The following VPS41 variants were observed in gnomAD, a reference collection of about 807,000 sequenced individuals.
VPS41 encodes VPS41 subunit of HOPS complex.
In VPS41, 85 loss-of-function variants were observed where a neutral mutation model predicts 130.9. The ratio of observed to expected loss-of-function variants is 0.65; its 90% CI spans 0.55 to 0.78. The LOEUF is 0.78. Among genes scored for constraint, VPS41 ranks in the 30% least tolerant of loss-of-function variants. The pLI is 0.00. For missense variants in VPS41, 874 were observed against 1,018.7 expected (o/e 0.86, Z 1.93); for synonymous variants, 335 against 332.9 (o/e 1.01, Z -0.07).
chr7:38,859,721 T>A (rs1786062176), intron 4 of VPS41, among the ~76,000 whole-genome samples: 1 of 152,194 alleles, frequency 6.6e-6, no homozygotes, highest in African/African-American at 2.4e-5. Context: ...AACGCCACAT[T>A]TCTCAGAATG....
At chr7:38,765,440 C>A in intron 16 of VPS41, 140 bp downstream of exon 16, 1 of 561,344 alleles carries the variant, frequency 1.8e-6, no homozygotes, top group East Asian at 3.4e-5. Context: ...TTGAAACTGT[C>A]TCTAAAAGTT....
chr7:38,739,140 A>T (rs887983633), intron 25 of VPS41, among the ~76,000 whole-genome samples: 5 of 152,248 alleles, frequency 3.3e-5, no homozygotes, highest in Non-Finnish European at 5.9e-5. Context: ...TACCAGCAAG[A>T]AAAGGTGCTG....
intron 2 of VPS41, among the ~76,000 whole-genome samples, chr7:38,878,416 A>C (rs1054036700): frequency 1.3e-5 from 2 of 152,174 alleles, no homozygotes; most frequent in Admixed American, 1.3e-4. Context: ...AAGCTGCCCC[A>C]TAAGAGGCAA....
intron 7 of VPS41, among the ~76,000 whole-genome samples, chr7:38,797,730 A>G (rs1322525237): frequency 2.6e-5 from 4 of 152,218 alleles, no homozygotes; most frequent in Non-Finnish European, 4.4e-5. Context: ...CTACCTTAGT[A>G]TATTTTATGT....
At chr7:38,794,890 G>C (rs888190815) in intron 9 of VPS41, among the ~76,000 whole-genome samples, 1 of 152,214 alleles carries the variant, frequency 6.6e-6, no homozygotes, top group African/African-American at 2.4e-5. Context: ...ATGTGAATGA[G>C]CTTTGGGCCC....
chr7:38,890,649 C>T (rs946083468), intron 2 of VPS41, among the ~76,000 whole-genome samples: 4 of 151,826 alleles, frequency 2.6e-5, no homozygotes, highest in African/African-American at 4.8e-5. Flanking sequence ...CTTTGGAAAG[C>T]GGGTGAAGGA....
At chr7:38,862,941 C>A (rs1262584265) in intron 3 of VPS41, among the ~76,000 whole-genome samples, 1 of 152,158 alleles carries the variant, frequency 6.6e-6, no homozygotes, top group Non-Finnish European at 1.5e-5. Context: ...GGTGAAAACA[C>A]GACCAACCTA....
chr7:38,815,663 T>C (rs1180169043), intron 7 of VPS41, among the ~76,000 whole-genome samples: 4 of 152,128 alleles, frequency 2.6e-5, no homozygotes, highest in Non-Finnish European at 4.4e-5. Context: ...TCAATCTGCA[T>C]GGGCACAATC....
rs1786297778 is a variant in VPS41 at position 38,869,379 on chromosome 7, C to A, written c.61-126G>T. ...ATGATGTTAATAATTCCAACTACAG[C>A]TAAAGGTTAAAATCTTCATATTTCA... On this transcript the variant is annotated intron_variant, in intron 2 of 28. Coordinates refer to ENST00000310301, the MANE Select transcript of VPS41 (RefSeq NM_014396.4). 6.4e-6 allele frequency: 4 copies of A among 624,582 alleles called. No homozygotes were observed. In the East Asian group the frequency reaches 1.1e-4, roughly 16 times the overall value. 38.7% of individuals were successfully genotyped at this position (624,582 alleles called of 1,614,324 possible). A position where few individuals can be genotyped will look rare whatever the true frequency, so the allele number is the denominator to read the frequency against.
chr7:38,842,046 C>A (rs2116226303), intron 4 of VPS41, among the ~76,000 whole-genome samples: 1 of 152,318 alleles, frequency 6.6e-6, no homozygotes, highest in African/African-American at 2.4e-5. Flanking sequence ...AGCTCTGTGT[C>A]AAATTGTCAA....
At chr7:38,795,767 C>CATTTAGTT (rs1784607203) in intron 8 of VPS41, among the ~76,000 whole-genome samples, 156 bp from the exon 9 acceptor site, 6 of 152,302 alleles carry the variant, frequency 3.9e-5, no homozygotes, top group Admixed American at 3.3e-4. Flanking sequence ...TCCACACAAA[C>CATTTAGTT]CCTGTGGGAA....
intron 2 of VPS41, among the ~76,000 whole-genome samples, chr7:38,882,308 C>T (rs1163004191): frequency 6.6e-6 from 1 of 152,198 alleles, no homozygotes; most frequent in East Asian, 1.9e-4. Flanking sequence ...ACCACTCTCT[C>T]CTGGTTCTTT....
At chr7:38,772,730 A>G in intron 12 of VPS41, 93 bp from the exon 13 acceptor site, 1 of 707,266 alleles carries the variant, frequency 1.4e-6, no homozygotes, top group Non-Finnish European at 2.4e-6. Flanking sequence ...ACCCAACCCA[A>G]GAGCGAACAG....
chr7:38,853,418 C>CA (rs57368681), intron 4 of VPS41, among the ~76,000 whole-genome samples: 21,830 of 78,840 alleles, frequency 0.28, 4,039 homozygotes, highest in African/African-American at 0.46. Context: ...GACTCCTTCT[C>CA]AAAAAAAAAA....
At chr7:38,887,369 C>G (rs1786757203) in intron 2 of VPS41, among the ~76,000 whole-genome samples, 1 of 152,162 alleles carries the variant, frequency 6.6e-6, no homozygotes, top group East Asian at 1.9e-4. Flanking sequence ...AATATGAGAA[C>G]TTCGTAAAGC....
chr7:38,792,604 A>T (rs750056984), intron 9 of VPS41, among the ~76,000 whole-genome samples: 32 of 152,254 alleles, frequency 2.1e-4, no homozygotes, highest in Non-Finnish European at 4.1e-4. Context: ...TATGGAGATG[A>T]CTGCGGTAGC....
At chr7:38,790,877 A>T (rs73113674) in intron 9 of VPS41, among the ~76,000 whole-genome samples, 9,623 of 152,294 alleles carry the variant, frequency 0.063, 332 homozygotes, top group Middle Eastern at 0.082. Flanking sequence ...TGCAATCAAC[A>T]TACTTATATA....
chr7:38,807,260 G>A (rs770814359), intron 7 of VPS41, among the ~76,000 whole-genome samples: 4 of 152,100 alleles, frequency 2.6e-5, no homozygotes, highest in Non-Finnish European at 5.9e-5. Context: ...AACCATATGG[G>A]GTACTCCTGG....
intron 4 of VPS41, among the ~76,000 whole-genome samples, chr7:38,846,533 C>A (rs368386608): frequency 2.0e-5 from 3 of 152,194 alleles, no homozygotes; most frequent in East Asian, 1.9e-4. Context: ...ACCACTGTTA[C>A]GACAGAAAGC....
Sources: allele counts gnomAD v4.1 joint callset (sites outside exome capture counted in the v4.1 genomes callset), GRCh38; gene constraint gnomAD v4.1.1; transcripts MANE v1.5; gene names NCBI Gene and HGNC (gene_info 2026-07-23, HGNC 2026-07-21).